Variants in NCKAP5 observed in about 807,000 individuals in gnomAD.
NCKAP5 encodes the protein nck-associated protein 5.
In NCKAP5, 92 loss-of-function variants were observed where a neutral mutation model predicts 167.0. That is an observed-to-expected ratio of 0.55 (90% CI 0.47 to 0.66). The LOEUF is 0.66. NCKAP5 is among the 30% of genes least tolerant of loss of function. The probability of loss-of-function intolerance (pLI) is 0.00; values close to 1 mark genes in which losing one functional copy is unlikely to be tolerated. For missense variants in NCKAP5, 2,378 were observed against 2,315.0 expected, an observed-to-expected ratio of 1.03 and a Z score of -0.56; for synonymous variants, 891 against 877.4, an observed-to-expected ratio of 1.02 and a Z score of -0.27.
rs1319889168 is a variant in NCKAP5, at chr2:132,785,461, G to C, written c.1350C>G (p.Pro450=). 2.5e-6 allele frequency: 4 copies of C among 1,613,510 alleles called. No homozygotes were observed. The highest frequency in any genetic ancestry group is 3.4e-6 in the Non-Finnish European group (4 of 1,179,710). The change falls in exon 14 of 20, where the codon CCC becomes CCG. Residue 450 remains proline (P), a synonymous_variant. Transcript: ENST00000409261. ...TCCCCAGGTCAGCTGTTTTGCAGGG[G>C]GGATACTCCTTGAGGCTGCTACTTT... The part of the protein sequence containing the change: ...GIKSSSLKEY[P]PCKTADLGSP...
chr2:133,602,975 G>A, the NCKAP5 span, among the ~76,000 whole-genome samples: 2 of 152,134 alleles, frequency 1.3e-5, no homozygotes, highest in African/African-American at 2.4e-5. Flanking sequence ...GGGTAGCAGG[G>A]GTGTAAGCTA....
At chr2:132,808,856 C>G (rs1453319503) in intron 11 of NCKAP5, among the ~76,000 whole-genome samples, 1 of 151,874 alleles carries the variant, frequency 6.6e-6, no homozygotes, top group East Asian at 1.9e-4. Context: ...GAGGTGTGAC[C>G]TTAGAGTATC....
chr2:133,275,441 A>G (rs2089685098), intron 4 of NCKAP5, among the ~76,000 whole-genome samples: 1 of 152,146 alleles, frequency 6.6e-6, no homozygotes, highest in Non-Finnish European at 1.5e-5. Flanking sequence ...GAAATCCATT[A>G]TATTAAATCT....
intron 3 of NCKAP5, among the ~76,000 whole-genome samples, chr2:133,337,934 C>T (rs916966334): frequency 6.6e-6 from 1 of 152,080 alleles, no homozygotes; most frequent in African/African-American, 2.4e-5. Context: ...ACAATTTTGC[C>T]CCTAAAGTTA....
At chr2:132,992,569 G>T (rs77832466) in intron 7 of NCKAP5, among the ~76,000 whole-genome samples, 1 of 152,178 alleles carries the variant, frequency 6.6e-6, no homozygotes, top group East Asian at 1.9e-4. Flanking sequence ...ACCCTTTCAG[G>T]CTGCATCGAA....
At chr2:133,657,766 T>C in the NCKAP5 span, among the ~76,000 whole-genome samples, 8 of 152,128 alleles carry the variant, frequency 5.3e-5, no homozygotes, top group Non-Finnish European at 2.9e-5. Flanking sequence ...CGTCACGAAC[T>C]GTGGGAAATG....
chr2:133,130,339 T>C (rs756934379), intron 5 of NCKAP5, among the ~76,000 whole-genome samples: 3 of 152,192 alleles, frequency 2.0e-5, no homozygotes, highest in Admixed American at 6.6e-5. Context: ...GTAATAGATC[T>C]TGACTCCCAG....
At chr2:132,803,685 T>C (rs969143864) in intron 11 of NCKAP5, among the ~76,000 whole-genome samples, 2 of 152,150 alleles carry the variant, frequency 1.3e-5, no homozygotes, top group African/African-American at 4.8e-5. Context: ...AGTGGGTAGA[T>C]GGATGAGGAT....
chr2:133,433,369 T>C (rs1280784909), intron 3 of NCKAP5: 1 of 152,230 alleles, frequency 6.6e-6, no homozygotes, highest in Non-Finnish European at 1.5e-5. Flanking sequence ...TTACTTTGAA[T>C]ATTCCTCAAG....
chr2:132,725,502 C>G, intron 19 of NCKAP5, 125 bp downstream of exon 19: 1 of 1,204,888 alleles, frequency 8.3e-7, no homozygotes, highest in Non-Finnish European at 1.1e-6. Flanking sequence ...AAAATTAGAT[C>G]TCAGGAGAGA....
At chr2:133,469,813 G>A (rs1426952617) in intron 3 of NCKAP5, among the ~76,000 whole-genome samples, 4 of 151,568 alleles carry the variant, frequency 2.6e-5, no homozygotes, top group Non-Finnish European at 1.5e-5. Context: ...CGGCTCCTGA[G>A]GCTTCTACAT....
chr2:133,641,882 C>G, the NCKAP5 span, among the ~76,000 whole-genome samples: 3 of 152,214 alleles, frequency 2.0e-5, no homozygotes, highest in Admixed American at 2.0e-4. Context: ...CAAAGTGCCT[C>G]TCTCCATTGA....
intron 4 of NCKAP5, among the ~76,000 whole-genome samples, chr2:133,229,451 G>A (rs899105318): frequency 6.6e-5 from 10 of 152,176 alleles, no homozygotes; most frequent in Non-Finnish European, 1.5e-4. Flanking sequence ...GATAGCTCTG[G>A]TGCTGAGCAC....
At chr2:133,356,946 A>G (rs1559412508) in intron 3 of NCKAP5, among the ~76,000 whole-genome samples, 1 of 152,226 alleles carries the variant, frequency 6.6e-6, no homozygotes, top group Non-Finnish European at 1.5e-5. Flanking sequence ...TAGCTAGAAA[A>G]TGTCAAGGAA....
intron 11 of NCKAP5, among the ~76,000 whole-genome samples, chr2:132,812,674 G>C (rs1368014527): frequency 6.6e-6 from 1 of 152,184 alleles, no homozygotes; most frequent in African/African-American, 2.4e-5. Flanking sequence ...AGATGTTACT[G>C]AGAAACGATT....
At chr2:133,438,850 C>T (rs1369508) in intron 3 of NCKAP5, among the ~76,000 whole-genome samples, 50,707 of 152,002 alleles carry the variant, frequency 0.33, 8,835 homozygotes, top group African/African-American at 0.38. Context: ...CTGCTTTTGT[C>T]TGTAATTTTA....
chr2:133,631,303 C>T, the NCKAP5 span, among the ~76,000 whole-genome samples: 1 of 152,108 alleles, frequency 6.6e-6, no homozygotes, highest in Non-Finnish European at 1.5e-5. Flanking sequence ...GAAGACCTTC[C>T]CCAGTTTCTC....
At chr2:133,646,578 T>C in the NCKAP5 span, among the ~76,000 whole-genome samples, 1 of 152,140 alleles carries the variant, frequency 6.6e-6, no homozygotes, top group Non-Finnish European at 1.5e-5. Context: ...AGACCTGATT[T>C]ACAAGAAATG....
At chr2:132,962,808 G>C (rs2076556715) in intron 8 of NCKAP5, among the ~76,000 whole-genome samples, 2 of 152,226 alleles carry the variant, frequency 1.3e-5, no homozygotes, top group South Asian at 4.1e-4. Context: ...AGCCAGGATG[G>C]TCTCCATCTC....
Sources: allele counts gnomAD v4.1 joint callset (sites outside exome capture counted in the v4.1 genomes callset), GRCh38; gene constraint gnomAD v4.1.1; transcripts MANE v1.5; gene names NCBI Gene and HGNC (gene_info 2026-07-23, HGNC 2026-07-21).